Variants in CALN1 observed in about 807,000 individuals in gnomAD.
CALN1 encodes calneuron 1.
Under a neutral mutation model 30.6 loss-of-function variants are expected in CALN1, and 17 were observed. The ratio of observed to expected loss-of-function variants is 0.56; its 90% CI spans 0.38 to 0.83. CALN1 has a LOEUF of 0.83. CALN1 is among the 40% of genes least tolerant of loss of function. The pLI is 0.00. For synonymous variants in CALN1, 156 were observed against 131.4 expected, an observed-to-expected ratio of 1.19 and a Z score of -1.28; for missense variants, 291 against 354.9, an observed-to-expected ratio of 0.82 and a Z score of 1.45.
the CALN1 span, among the ~76,000 whole-genome samples, chr7:72,481,358 G>T: frequency 6.6e-6 from 1 of 152,260 alleles, no homozygotes; most frequent in African/African-American, 2.4e-5. Context: ...CAAAGGGCTG[G>T]GATTATAAGC....
intron 3 of CALN1, among the ~76,000 whole-genome samples, chr7:72,220,473 T>C (rs1387151408): frequency 1.3e-5 from 2 of 151,652 alleles, no homozygotes; most frequent in African/African-American, 4.8e-5. Flanking sequence ...TCCAAGTCTT[T>C]GCTATTGTGA....
chr7:71,922,801 TTATA>T (rs970351783), intron 5 of CALN1, among the ~76,000 whole-genome samples: 1 of 140,514 alleles, frequency 7.1e-6, no homozygotes, highest in Non-Finnish European at 1.5e-5. Flanking sequence ...ACCGAATATA[TTATA>T]TATAAATATA....
chr7:72,269,030 T>G (rs1796786876), intron 3 of CALN1, among the ~76,000 whole-genome samples: 1 of 152,042 alleles, frequency 6.6e-6, no homozygotes, highest in Non-Finnish European at 1.5e-5. Flanking sequence ...TCGCCCTGGC[T>G]CTCTGCCTGG....
chr7:71,987,292 T>C (rs1798724672), intron 5 of CALN1, among the ~76,000 whole-genome samples: 1 of 152,210 alleles, frequency 6.6e-6, no homozygotes, highest in Non-Finnish European at 1.5e-5. Context: ...TTATTCAGTG[T>C]CTGTGAACAC....
chr7:72,418,651 C>T (rs1370064647), intron 1 of CALN1, among the ~76,000 whole-genome samples: 1 of 151,974 alleles, frequency 6.6e-6, no homozygotes, highest in Non-Finnish European at 1.5e-5. Flanking sequence ...CTGGAGTTTA[C>T]CAGAGCTTTC....
intron 3 of CALN1, among the ~76,000 whole-genome samples, chr7:72,147,563 A>G (rs1430188499): frequency 6.6e-6 from 1 of 151,498 alleles, no homozygotes; most frequent in Non-Finnish European, 1.5e-5. Flanking sequence ...ATCTACAACT[A>G]GAAATACCAT....
chr7:72,122,397 C>T (rs1425368652), intron 3 of CALN1, among the ~76,000 whole-genome samples: 14 of 152,104 alleles, frequency 9.2e-5, no homozygotes, highest in Non-Finnish European at 1.9e-4. Flanking sequence ...CTCTCTCAGG[C>T]ATGGCACCAC....
intron 5 of CALN1, among the ~76,000 whole-genome samples, chr7:71,948,401 G>C (rs1036884759): frequency 6.6e-6 from 1 of 152,072 alleles, no homozygotes; most frequent in African/African-American, 2.4e-5. Context: ...TTCTAAGAGA[G>C]AGTCATCATA....
At position 72,358,489 on chromosome 7, in the gene CALN1, C is replaced by T. The variant is rs550959308; in HGVS notation, c.119+44762G>A. Among the ~76,000 whole-genome samples, 55 of 150,300 alleles carry T rather than the reference C, an allele frequency of 3.7e-4. 2 individuals carry two copies. Among genetic ancestry groups the T allele is most frequent in the African/African-American group, 1.3e-3 (52 of 39,622 alleles). On this transcript the variant is annotated intron_variant, in intron 2 of 6. Coordinates refer to ENST00000395275, the MANE Select transcript of CALN1 (RefSeq NM_031468.4). ...ACTTTGACATTGTACTTAGCCATCA[C>T]TCCCTGTGGCTGGCCAAGTGGTACA...
chr7:71,944,923 A>G (rs747902404), intron 5 of CALN1, among the ~76,000 whole-genome samples: 6 of 151,546 alleles, frequency 4.0e-5, no homozygotes, highest in Non-Finnish European at 7.3e-5. Flanking sequence ...CTACACTGAA[A>G]TCTAGCTAAG....
chr7:71,861,620 A>T (rs1454142029), intron 5 of CALN1, among the ~76,000 whole-genome samples: 5 of 151,868 alleles, frequency 3.3e-5, no homozygotes, highest in African/African-American at 9.7e-5. Flanking sequence ...ACGAAAAAAA[A>T]AATTACAAAA....
intron 4 of CALN1, among the ~76,000 whole-genome samples, chr7:72,097,702 A>T (rs927410476): frequency 6.7e-6 from 1 of 149,802 alleles, no homozygotes. Context: ...TTTTTTGACT[A>T]TTTTTTTTTC....
intron 5 of CALN1, among the ~76,000 whole-genome samples, chr7:72,001,042 A>G (rs183301345): frequency 3.5e-4 from 53 of 152,326 alleles, no homozygotes; most frequent in African/African-American, 1.2e-3. Context: ...CAACTTCTCA[A>G]TAAGATCTCA....
the CALN1 span, among the ~76,000 whole-genome samples, chr7:72,491,876 C>T: frequency 6.6e-6 from 1 of 152,162 alleles, no homozygotes; most frequent in Admixed American, 6.5e-5. Context: ...AGACACTGTT[C>T]CAAACAGCAA....
intron 5 of CALN1, among the ~76,000 whole-genome samples, chr7:71,884,412 C>T (rs1263241719): frequency 6.6e-6 from 1 of 152,100 alleles, no homozygotes; most frequent in Non-Finnish European, 1.5e-5. Context: ...ATCATCCTAT[C>T]TGAATACTGT....
chr7:71,794,660 A>G (rs1201922216), intron 6 of CALN1, among the ~76,000 whole-genome samples: 1 of 152,246 alleles, frequency 6.6e-6, no homozygotes, highest in Non-Finnish European at 1.5e-5. Context: ...AGAGAAATAC[A>G]AAATTTCATT....
intron 3 of CALN1, among the ~76,000 whole-genome samples, chr7:72,126,938 C>G (rs906344928): frequency 6.6e-6 from 1 of 151,906 alleles, no homozygotes; most frequent in South Asian, 2.1e-4. Context: ...AAGAATGTAT[C>G]CATGTAACCG....
chr7:72,309,868 C>G (rs78880290), intron 2 of CALN1, among the ~76,000 whole-genome samples: 104 of 152,308 alleles, frequency 6.8e-4, no homozygotes, highest in Non-Finnish European at 1.2e-3. Flanking sequence ...GAATCAGAAA[C>G]TTAACCTGCG....
At chr7:72,075,768 G>A (rs567283171) in intron 4 of CALN1, among the ~76,000 whole-genome samples, 1 of 152,246 alleles carries the variant, frequency 6.6e-6, no homozygotes, top group East Asian at 1.9e-4. Context: ...AGCTGCATCT[G>A]GCCCCCTGCC....
Sources: gnomAD v4.1 joint callset for allele counts (sites outside exome capture counted in the v4.1 genomes callset) on GRCh38, gnomAD v4.1.1 for gene constraint, MANE v1.5 for transcripts, NCBI Gene and HGNC (gene_info 2026-07-23, HGNC 2026-07-21) for gene names.